The following KANSL1 variants were observed in gnomAD, a reference collection of about 807,000 sequenced individuals.
The protein encoded by KANSL1 is MLL1/MLL complex subunit KANSL1.
KANSL1 carries 22 observed loss-of-function variants against 103.6 expected under a neutral mutation model. That is an observed-to-expected ratio of 0.21 (90% CI 0.15 to 0.30). The LOEUF (loss-of-function observed/expected upper bound fraction) is 0.30, where lower values mean the gene tolerates loss of function less well. KANSL1 is among the 10% of genes least tolerant of loss of function. The probability of loss-of-function intolerance (pLI) is 1.00; values close to 1 mark genes in which losing one functional copy is unlikely to be tolerated. For synonymous variants in KANSL1, 600 were observed against 527.6 expected, an observed-to-expected ratio of 1.14 and a Z score of -1.88; for missense variants, 1,337 against 1,399.8, an observed-to-expected ratio of 0.96 and a Z score of 0.72.
upstream of KANSL1, among the ~76,000 whole-genome samples, chr17:46,198,203 T>C (rs2047676494): frequency 6.6e-6 from 1 of 152,168 alleles, no homozygotes; most frequent in Non-Finnish European, 1.5e-5. Context: ...CCCTCACTTA[T>C]TCTTTGTGTT....
intron 3 of KANSL1, among the ~76,000 whole-genome samples, chr17:46,083,755 T>C (rs1031351531): frequency 2.0e-5 from 3 of 152,040 alleles, no homozygotes; most frequent in Non-Finnish European, 2.9e-5. Flanking sequence ...ACTTGTAAAG[T>C]TGAAAAACAC....
intron 2 of KANSL1, among the ~76,000 whole-genome samples, chr17:46,162,661 C>G (rs1470900826): frequency 1.3e-5 from 2 of 152,216 alleles, no homozygotes. Context: ...AGGCTGAGTC[C>G]ACCATTCAGC....
intron 2 of KANSL1, among the ~76,000 whole-genome samples, chr17:46,143,244 T>C (rs2044514361): frequency 6.6e-6 from 1 of 152,200 alleles, no homozygotes; most frequent in South Asian, 2.1e-4. Context: ...GAAGTCATTA[T>C]CTTCTTTGGG....
intron 2 of KANSL1, among the ~76,000 whole-genome samples, chr17:46,157,546 G>A (rs190529056): frequency 2.6e-4 from 40 of 152,156 alleles, no homozygotes; most frequent in Non-Finnish European, 3.2e-4. Context: ...AAATTTCAAA[G>A]TCACCTCACA....
upstream of KANSL1, among the ~76,000 whole-genome samples, chr17:46,195,167 G>C (rs970002934): frequency 6.6e-5 from 10 of 152,210 alleles, no homozygotes; most frequent in Admixed American, 2.6e-4. Flanking sequence ...TGGCGAACTA[G>C]AGCCCCAATC....
At chr17:46,048,322 T>A (rs942354400) in intron 7 of KANSL1, among the ~76,000 whole-genome samples, 1 of 151,874 alleles carries the variant, frequency 6.6e-6, no homozygotes, top group Admixed American at 6.6e-5. Context: ...ATCCCAGCAC[T>A]TTAGGGAGGC....
At chr17:46,149,048 G>A (rs1597803562) in intron 2 of KANSL1, among the ~76,000 whole-genome samples, 2 of 147,618 alleles carry the variant, frequency 1.4e-5, no homozygotes, top group East Asian at 4.0e-4. Flanking sequence ...TATCGCCCAG[G>A]CTGGAGTGCA....
chr17:46,203,069 T>C (rs539555654), intron 1 of KANSL1, among the ~76,000 whole-genome samples: 1 of 152,188 alleles, frequency 6.6e-6, no homozygotes, highest in Admixed American at 6.5e-5. Flanking sequence ...CCGTCTCTAC[T>C]AAAATACAAA....
chr17:46,089,504 G>A (rs1281276728), intron 3 of KANSL1, among the ~76,000 whole-genome samples: 1 of 146,084 alleles, frequency 6.8e-6, no homozygotes, highest in Non-Finnish European at 1.5e-5. Context: ...TCTCCCACCC[G>A]AAGACAAATT....
Position 46,066,551 on chromosome 17 carries a change from G to A in KANSL1, c.1834C>T (p.Pro612Ser). The change falls in exon 6 of 15, where the codon CCT becomes TCT. Residue 612 changes from proline (P) to serine (S), a missense_variant. By Grantham distance (74) the Pro-to-Ser change is moderately conservative. Coordinates refer to ENST00000432791, the MANE Select transcript of KANSL1 (RefSeq NM_015443.4). ...TCTGTACCGACCTTCTTGGAAAGAGGAACGATGCTGTTGGGTCGAACAAGC... is the reference window on the plus strand; with the variant it reads ...TCTGTACCGACCTTCTTGGAAAGAGAAACGATGCTGTTGGGTCGAACAAGC... ...RRLVRPNSIV[P>S]LSKKVHRNST... The A allele has an allele frequency of 1.2e-6, 2 of 1,612,258 alleles. No homozygotes were observed. Among genetic ancestry groups the A allele is most frequent in the East Asian group, 2.2e-5 (1 of 44,854 alleles).
rs1364752329 is a variant in KANSL1, at chr17:46,192,865, A to C, written c.-132T>G. 6.5e-6 allele frequency: 1 copy of C among 152,976 alleles called. No homozygotes were observed. Among genetic ancestry groups the C allele is most frequent in the Non-Finnish European group, 1.5e-5 (1 of 68,414 alleles). The allele number at this position is 152,976 out of a possible 1,614,324, so 9.5% of individuals were successfully genotyped here. On this transcript the variant is annotated 5_prime_UTR_variant, in exon 1 of 15. Transcript: ENST00000432791. ...TAGCCCGGGCGGATTCAGCCCCACA[A>C]AATGGGCGCAGTTTGCAAACAGCCC...
chr17:46,208,755 C>A (rs1466326432), intron 1 of KANSL1, among the ~76,000 whole-genome samples: 1 of 151,354 alleles, frequency 6.6e-6, no homozygotes, highest in East Asian at 1.9e-4. Flanking sequence ...CTCAGCCCAC[C>A]GGAGACAGAG....
intron 1 of KANSL1, among the ~76,000 whole-genome samples, chr17:46,208,440 C>T (rs374910634): frequency 1.3e-5 from 2 of 151,728 alleles, no homozygotes; most frequent in South Asian, 4.1e-4. Flanking sequence ...GGCAAGACCC[C>T]GGCTCTACTA....
chr17:46,069,761 C>CA, intron 4 of KANSL1, among the ~76,000 whole-genome samples: 1 of 151,512 alleles, frequency 6.6e-6, no homozygotes, highest in Middle Eastern at 3.2e-3. Flanking sequence ...CAAAACAAAA[C>CA]AAAAAACAAA....
In KANSL1 at chr17:46,133,228, C is replaced by G. The variant is rs561619168; in HGVS notation, c.1289+37627G>C. 8.5e-5 allele frequency among the ~76,000 whole-genome samples: 13 copies of G among 152,254 alleles called. No homozygotes were observed. The South Asian group carries it at 2.7e-3, about 32-fold the overall frequency. ...ATCCAAGTTGTATGTGATCCCAAAC[C>G]CTTACTGAAACCAGGACCACTGAGT... On this transcript the variant is annotated intron_variant, in intron 2 of 14. Transcript: ENST00000432791.
At chr17:46,072,215 C>T (rs12150628) in intron 4 of KANSL1, among the ~76,000 whole-genome samples, 21,777 of 151,910 alleles carry the variant, frequency 0.14, 2,125 homozygotes, top group Non-Finnish European at 0.22. Context: ...AGATTTGTTT[C>T]ACCAAAAAGT....
At chr17:46,187,270 C>CA (rs1393766021) in intron 1 of KANSL1, among the ~76,000 whole-genome samples, 1 of 152,198 alleles carries the variant, frequency 6.6e-6, no homozygotes, top group African/African-American at 2.4e-5. Context: ...ACTTACCTTC[C>CA]AACTGAATTT....
Position 46,171,649 on chromosome 17 carries a change from T to C in KANSL1, c.495A>G (p.Ser165=), listed in dbSNP as rs2147746460. ...NGLAKKLTKS[S]THSDHDNSTS... ...TGGAATTGTCATGATCAGAATGTGT[T>C]GAACTTTTAGTCAATTTCTTAGCCA... is the stretch of plus-strand genomic sequence containing the variant. The change falls in exon 2 of 15, where the codon TCA becomes TCG. Residue 165 remains serine, a synonymous_variant. Transcript: ENST00000432791. 1 of 1,556,470 alleles carries C rather than the reference T, an allele frequency of 6.4e-7. No individual in the cohort carries two copies. The highest frequency in any genetic ancestry group is 1.2e-5 in the South Asian group (1 of 81,880).
At chr17:46,074,386 G>A (rs754779773) in intron 4 of KANSL1, among the ~76,000 whole-genome samples, 2 of 152,088 alleles carry the variant, frequency 1.3e-5, no homozygotes, top group Non-Finnish European at 2.9e-5. Flanking sequence ...GAGGGGGGAA[G>A]ACACCTCTTC....
Sources: allele counts gnomAD v4.1 joint callset (sites outside exome capture counted in the v4.1 genomes callset), GRCh38; gene constraint gnomAD v4.1.1; transcripts MANE v1.5; gene names NCBI Gene and HGNC (gene_info 2026-07-23, HGNC 2026-07-21).